MASP1: variants seen among roughly 807,000 people sequenced by gnomAD.
MASP1 encodes the protein mannan-binding lectin serine protease 1.
MASP1 carries 59 observed loss-of-function variants against 77.1 expected under a neutral mutation model. The observed-to-expected ratio is 0.77, with a 90% confidence interval of 0.62 to 0.95. The LOEUF is 0.95. Among genes scored for constraint, MASP1 ranks in the 40% least tolerant of loss-of-function variants. The pLI, the probability that MASP1 is intolerant of heterozygous loss-of-function variation, is 0.00. For synonymous variants in MASP1, 362 were observed against 354.5 expected, an observed-to-expected ratio of 1.02 and a Z score of -0.24; for missense variants, 885 against 912.9, an observed-to-expected ratio of 0.97 and a Z score of 0.39.
intron 2 of MASP1, among the ~76,000 whole-genome samples, chr3:187,266,025 A>G (rs1170672451): frequency 6.6e-6 from 1 of 152,186 alleles, no homozygotes; most frequent in Non-Finnish European, 1.5e-5. Flanking sequence ...CCTAGCTTCT[A>G]TTTGGACTGT....
chr3:187,240,480 T>TA (rs1322762912), intron 10 of MASP1, among the ~76,000 whole-genome samples: 3 of 152,136 alleles, frequency 2.0e-5, no homozygotes, highest in Admixed American at 6.5e-5. Flanking sequence ...TTGCTTTTTT[T>TA]TAAAAAAAAT....
At chr3:187,253,816 G>A (rs1056550651) in intron 5 of MASP1, among the ~76,000 whole-genome samples, 2 of 151,822 alleles carry the variant, frequency 1.3e-5, no homozygotes, top group African/African-American at 4.8e-5. Context: ...GGGAGGGGAA[G>A]ATCACACACC....
chr3:187,243,623 TGA>T lies in MASP1; in HGVS notation c.1091-4_1091-3del. 1.9e-6 allele frequency: 3 copies of T among 1,614,186 alleles called. No homozygotes were observed. The highest frequency in any genetic ancestry group is 2.5e-6 in the Non-Finnish European group (3 of 1,180,042). Reference sequence around the variant, plus strand: ...CTCCTGGGGCTCTACAGTCTACAACTGAGAGAGAAGAAGTGAGACCCCTCAAC... The same window carrying T: ...CTCCTGGGGCTCTACAGTCTACAACTGAGAGAAGAAGTGAGACCCCTCAAC... On this transcript the variant is annotated splice_polypyrimidine_tract_variant and splice_region_variant and intron_variant, in intron 8 of 10. Coordinates refer to ENST00000296280, the MANE Select transcript of MASP1 (RefSeq NM_139125.4).
At chr3:187,219,854 A>AGAGCCTGGATTCGGCCTGTGTTCT in exon 16 of MASP1, 2 of 591,030 alleles carry the variant, frequency 3.4e-6, no homozygotes, top group Non-Finnish European at 6.1e-6. Flanking sequence ...AGTAAGTGAT[A>AGAGCCTGGATTCGGCCTGTGTTCT]GAGCCTGGAT....
chr3:187,226,338 A>G, intron 12 of MASP1: 1 of 1,172,866 alleles, frequency 8.5e-7, no homozygotes, highest in Non-Finnish European at 1.2e-6. Flanking sequence ...CACGCCTTGG[A>G]AAGGGCCAGT....
In MASP1 at chr3:187,243,504, T is replaced by C. The variant is rs1454713677; in HGVS notation, c.1208A>G (p.Lys403Arg). Residue 403 changes from lysine (K) to arginine (R), a missense_variant, in exon 9 of 11, where the codon AAG (lysine) becomes AGG (arginine). Coordinates refer to ENST00000296280, the MANE Select transcript of MASP1 (RefSeq NM_139125.4). ...CTTACCTGTGTTATTGTTGAGCATCTTGTAATAGGGCTCCTGACAGGAGTA... is the reference window on the plus strand; with the variant it reads ...CTTACCTGTGTTATTGTTGAGCATCCTGTAATAGGGCTCCTGACAGGAGTA... The part of the protein sequence containing the change: ...IKYSCQEPYY[K>R]MLNNNTGIYT... 35 of 1,614,108 alleles carry C rather than the reference T, an allele frequency of 2.2e-5. No homozygotes were observed. The highest frequency in any genetic ancestry group is 3.0e-5 in the Non-Finnish European group (35 of 1,179,960).
At chr3:187,225,403 A>G in exon 13 of MASP1, 1 of 1,614,112 alleles carries the variant, frequency 6.2e-7, no homozygotes, top group South Asian at 1.1e-5. Flanking sequence ...GCTCCACCAG[A>G]GCCACGTCAT....
At chr3:187,218,233 G>T (rs1711860883) in exon 16 of MASP1, 1 of 152,164 alleles carries the variant, frequency 6.6e-6, no homozygotes, top group Non-Finnish European at 1.5e-5. Flanking sequence ...AATTACATAT[G>T]TTTCATGTCT....
At chr3:187,288,728 A>T (rs1718058255) in intron 1 of MASP1, among the ~76,000 whole-genome samples, 1 of 152,164 alleles carries the variant, frequency 6.6e-6, no homozygotes, top group South Asian at 2.1e-4. Flanking sequence ...AACTTCCTCC[A>T]TGACTGCTTT....
intron 8 of MASP1, among the ~76,000 whole-genome samples, chr3:187,249,931 T>C (rs1214271541): frequency 2.6e-5 from 4 of 152,214 alleles, no homozygotes; most frequent in Non-Finnish European, 5.9e-5. Flanking sequence ...TTTCCTGAAT[T>C]AGCAATTGCC....
At position 187,224,471 on chromosome 3, in the gene MASP1, C is replaced by A. The variant is rs1010590051; in HGVS notation, c.1741+853G>T. Among the ~76,000 whole-genome samples, 118 of 150,712 alleles carry A rather than the reference C, an allele frequency of 7.8e-4. 1 individual carries two copies. Among genetic ancestry groups the A allele is most frequent in the African/African-American group, 2.6e-3 (109 of 41,168 alleles). On this transcript the variant is annotated intron_variant, in intron 13 of 15. Transcript: ENST00000337774. ...ACGCCATTCTCCTGCCTCAGCCTCC[C>A]AAGTAGCTGGGACTACAGGCGCCCG...
chr3:187,266,970 T>C (rs765135330), intron 2 of MASP1, among the ~76,000 whole-genome samples: 5 of 152,224 alleles, frequency 3.3e-5, no homozygotes, highest in Admixed American at 6.5e-5. Flanking sequence ...ATAAATTCAT[T>C]ACATCAGCTA....
intron 1 of MASP1, 22 bp from the exon 2 acceptor site, chr3:187,286,078 C>G (rs1322971259): frequency 6.4e-7 from 1 of 1,555,652 alleles, no homozygotes; most frequent in African/African-American, 1.4e-5. Flanking sequence ...GAATGTAGGT[C>G]TACTTACATT....
At chr3:187,286,168 C>T (rs561219714) in intron 1 of MASP1, 112 bp from the exon 2 acceptor site, 189 of 853,502 alleles carry the variant, frequency 2.2e-4, no homozygotes, top group African/African-American at 1.7e-3. Context: ...TCTGGCCTGC[C>T]GTAATTAGCT....
At chr3:187,251,482 A>G in intron 7 of MASP1, 152 bp downstream of exon 7, 1 of 712,104 alleles carries the variant, frequency 1.4e-6, no homozygotes, top group Non-Finnish European at 2.5e-6. Flanking sequence ...CATGCTTTGG[A>G]ATTTCTGGAG....
intron 2 of MASP1, chr3:187,276,713 T>C (rs1251102225): frequency 6.6e-6 from 1 of 152,264 alleles, no homozygotes; most frequent in African/African-American, 2.4e-5. Context: ...CAAGCTCATT[T>C]TCATTTTCTA....
At chr3:187,265,426 A>G (rs558771472) in intron 2 of MASP1, among the ~76,000 whole-genome samples, 1 of 152,310 alleles carries the variant, frequency 6.6e-6, no homozygotes, top group South Asian at 2.1e-4. Flanking sequence ...AATGGCAGAT[A>G]AATCAGATAA....
chr3:187,260,284 C>G (rs1229934041), intron 4 of MASP1, among the ~76,000 whole-genome samples: 2 of 152,162 alleles, frequency 1.3e-5, no homozygotes, highest in Non-Finnish European at 2.9e-5. Context: ...CTGGCTGTTT[C>G]TGTTTGCCTC....
At chr3:187,274,143 G>T (rs9860085) in intron 2 of MASP1, among the ~76,000 whole-genome samples, 17,505 of 151,934 alleles carry the variant, frequency 0.12, 1,351 homozygotes, top group African/African-American at 0.22. Context: ...GGGAGGTAGA[G>T]GTTCCAGTGA....
Sources: gnomAD v4.1 joint callset for allele counts (sites outside exome capture counted in the v4.1 genomes callset) on GRCh38, gnomAD v4.1.1 for gene constraint, MANE v1.5 for transcripts, NCBI Gene and HGNC (gene_info 2026-07-23, HGNC 2026-07-21) for gene names.